AKT2: variants seen among roughly 807,000 people sequenced by gnomAD.
AKT2 encodes the protein AKT serine/threonine kinase 2, also known as RAC-beta serine/threonine-protein kinase.
AKT2 carries 16 observed loss-of-function variants against 58.6 expected under a neutral mutation model. The observed-to-expected ratio is 0.27, with a 90% confidence interval of 0.18 to 0.41. The LOEUF is 0.41. Ranked by LOEUF, AKT2 falls within the 10% of genes least tolerant of loss-of-function variation. The pLI is 1.00. For missense variants in AKT2, 438 were observed against 661.0 expected (o/e 0.66, Z 3.70); for synonymous variants, 253 against 254.0 (o/e 1.00, Z 0.04).
At chr19:40,240,196 A>ATGTGTG in intron 6 of AKT2, 86 bp from the exon 7 acceptor site, 3 of 1,335,404 alleles carry the variant, frequency 2.2e-6, no homozygotes, top group Non-Finnish European at 3.2e-6. Flanking sequence ...GGCCTTGTGA[A>ATGTGTG]ATGCAATTCC....
intron 1 of AKT2, chr19:40,275,387 A>G (rs1225095119): frequency 2.2e-6 from 1 of 449,972 alleles, no homozygotes; most frequent in Non-Finnish European, 4.5e-6. Flanking sequence ...GCAAAAGGAG[A>G]AACCAGTGGG....
intron 1 of AKT2, 196 bp from the exon 2 acceptor site, chr19:40,265,547 A>C: frequency 8.8e-6 from 6 of 679,998 alleles, no homozygotes; most frequent in Non-Finnish European, 1.4e-5. Context: ...AGCGACCCCA[A>C]TCTGGGGGAA....
rs1159490608 is a variant in AKT2 at position 40,265,312 on chromosome 19, G to A, written c.-45C>T. The A allele has an allele frequency of 3.1e-6, 5 of 1,605,098 alleles. No homozygotes were observed. The highest frequency in any genetic ancestry group is 4.3e-6 in the Non-Finnish European group (5 of 1,176,054). On this transcript the variant is annotated 5_prime_UTR_variant, in exon 2 of 14. Transcript: ENST00000392038. Reference sequence around the variant, plus strand: ...GTCACCTAGCTCGGGACAGCTCAGGGCAGCAGGACATGCAGGAGGCACCGT... The same window carrying A: ...GTCACCTAGCTCGGGACAGCTCAGGACAGCAGGACATGCAGGAGGCACCGT...
chr19:40,252,725 G>A (rs1228901411), intron 4 of AKT2, among the ~76,000 whole-genome samples: 1 of 152,190 alleles, frequency 6.6e-6, no homozygotes, highest in Non-Finnish European at 1.5e-5. Context: ...TCTCTGGAAT[G>A]CATGAGCTAT....
intron 1 of AKT2, 115 bp downstream of exon 1, chr19:40,285,066 G>C (rs2145448434): frequency 1.0e-5 from 4 of 384,104 alleles, no homozygotes; most frequent in Middle Eastern, 6.6e-4. Context: ...GGAGGGGCTC[G>C]AGGGCCGCGG....
intron 2 of AKT2, among the ~76,000 whole-genome samples, chr19:40,260,564 A>G (rs567397140): frequency 1.6e-5 from 2 of 127,042 alleles, no homozygotes; most frequent in Admixed American, 9.8e-5. Context: ...CAGGAGGCGG[A>G]GGCTGCAGTG....
chr19:40,254,281 T>C (rs8104727), intron 4 of AKT2, among the ~76,000 whole-genome samples: 110,767 of 152,146 alleles, frequency 0.73, 40,529 homozygotes, highest in African/African-American at 0.8. Flanking sequence ...ACCTGTAATC[T>C]CAGCACTTTG....
intron 1 of AKT2, among the ~76,000 whole-genome samples, chr19:40,269,918 A>G (rs939883872): frequency 1.3e-5 from 2 of 152,134 alleles, no homozygotes; most frequent in African/African-American, 4.8e-5. Flanking sequence ...CATGCAACAT[A>G]AAAGCCAAAA....
At chr19:40,276,329 A>G (rs1358201892) in intron 1 of AKT2, among the ~76,000 whole-genome samples, 1 of 130,264 alleles carries the variant, frequency 7.7e-6, no homozygotes, top group African/African-American at 3.0e-5. Context: ...CAGCTTCCGC[A>G]TCTGTAAAAT....
chr19:40,236,671 C>T (rs1156248395), intron 9 of AKT2: 8 of 476,698 alleles, frequency 1.7e-5, no homozygotes, highest in South Asian at 1.5e-4. Context: ...GTTCTTATTT[C>T]GAACGTGGGG....
At chr19:40,277,488 C>T (rs543786228) in intron 1 of AKT2, among the ~76,000 whole-genome samples, 1 of 152,266 alleles carries the variant, frequency 6.6e-6, no homozygotes, top group South Asian at 2.1e-4. Flanking sequence ...TCCCTCCCCA[C>T]CCACCTGTGT....
intron 2 of AKT2, among the ~76,000 whole-genome samples, chr19:40,257,867 G>A (rs188573993): frequency 1.0e-3 from 159 of 152,292 alleles, no homozygotes; most frequent in African/African-American, 3.6e-3. Context: ...CGTAACTTAT[G>A]CTAAGTGAAA....
Position 40,257,586 on chromosome 19 carries a change from AACACAC to A in AKT2, c.47-538_47-533del, listed in dbSNP as rs59835118. ...AATATCCAAGCACCCTATGCACACAAACACACACACACACACACACACACACACACA... is the reference window on the plus strand; with the variant it reads ...AATATCCAAGCACCCTATGCACACAAACACACACACACACACACACACACA... On this transcript the variant is annotated intron_variant, in intron 2 of 13. Transcript: ENST00000392038. Among the ~76,000 whole-genome samples, 65 of 146,232 alleles carry A rather than the reference AACACAC, an allele frequency of 4.4e-4. 1 individual carries two copies. Among genetic ancestry groups the A allele is most frequent in the Admixed American group, 1.2e-3 (18 of 14,744 alleles).
chr19:40,242,515 C>A lies in AKT2; in HGVS notation c.441+19G>T, dbSNP rs778156511. The A allele has an allele frequency of 6.2e-7, 1 of 1,613,180 alleles. No homozygotes were observed. The highest frequency in any genetic ancestry group is 8.5e-7 in the Non-Finnish European group (1 of 1,179,988). On this transcript the variant is annotated intron_variant, in intron 5 of 13. Coordinates refer to ENST00000392038, the MANE Select transcript of AKT2 (RefSeq NM_001626.6). The surrounding 1 kb of genome is among the most constrained non-coding windows in gnomAD (Gnocchi z 4.3). ...GGGCACCGCAGGCTGGCAGCCCCAC[C>A]CCTGCTCCCAGCACTTACCACTTTA... is the stretch of plus-strand genomic sequence containing the variant.
intron 2 of AKT2, among the ~76,000 whole-genome samples, chr19:40,264,950 G>A (rs1976236850): frequency 6.6e-6 from 1 of 152,204 alleles, no homozygotes; most frequent in South Asian, 2.1e-4. Context: ...TTAGTTCAGT[G>A]ACGTGACTTC....
chr19:40,236,035 T>C lies in AKT2; in HGVS notation c.1030A>G (p.Met344Val), dbSNP rs1422114933. The stretch of plus-strand genomic sequence containing the variant: ...TTGTAGAAGGGCAGGCGGCCGCACA[T>C]CATCTCGTACATGACCACACCCAGC... ...WGLGVVMYEM[M>V]CGRLPFYNQD... The change falls in exon 11 of 14, where the codon ATG becomes GTG. Residue 344 changes from methionine (M) to valine (V), a missense_variant. Met to Val is a conservative substitution (Grantham distance 21). This residue lies in a region of AKT2 where 148 missense variants were observed against 199.5 expected (regional missense o/e 0.74). Coordinates refer to ENST00000392038, the MANE Select transcript of AKT2 (RefSeq NM_001626.6). The C allele has an allele frequency of 1.2e-6, 2 of 1,614,060 alleles. No individual in the cohort carries two copies. The highest frequency in any genetic ancestry group is 1.7e-6 in the Non-Finnish European group (2 of 1,179,996).
At chr19:40,280,898 C>T (rs952651987) in intron 1 of AKT2, 1 of 152,432 alleles carries the variant, frequency 6.6e-6, no homozygotes, top group African/African-American at 2.4e-5. Context: ...CTAACCGGCT[C>T]CTTGCTTATT....
chr19:40,281,892 A>G (rs553993438), intron 1 of AKT2, among the ~76,000 whole-genome samples: 321 of 152,110 alleles, frequency 2.1e-3, no homozygotes, highest in African/African-American at 7.3e-3. Context: ...AAATTAATCC[A>G]CTCAGCCTTC....
In AKT2 at chr19:40,285,299, G is replaced by T. The variant is rs2077495504; in HGVS notation, c.-203C>A. 1 of 394,932 alleles carries T rather than the reference G, an allele frequency of 2.5e-6. No individual in the cohort carries two copies. The highest frequency in any genetic ancestry group is 4.5e-6 in the Non-Finnish European group (1 of 223,736). 24.5% of individuals were successfully genotyped at this position (394,932 alleles called of 1,614,324 possible). A position where few individuals can be genotyped will look rare whatever the true frequency, so the allele number is the denominator to read the frequency against. ...CGGCAACGGCGCCGGCAGCGGCAGCGGCGGCGGCGACGCCTCCTCCGAGGC... is the reference window on the plus strand; with the variant it reads ...CGGCAACGGCGCCGGCAGCGGCAGCTGCGGCGGCGACGCCTCCTCCGAGGC... On this transcript the variant is annotated 5_prime_UTR_variant, in exon 1 of 14. Transcript: ENST00000392038.
Sources: gnomAD v4.1 joint callset for allele counts (sites outside exome capture counted in the v4.1 genomes callset) on GRCh38, gnomAD v4.1.1 for gene constraint, gnomAD v4.1.1 regional missense constraint, Gnocchi (gnomAD v3.1) non-coding constraint, MANE v1.5 for transcripts, NCBI Gene and HGNC (gene_info 2026-07-23, HGNC 2026-07-21) for gene names.